PCDHGA6: variants seen among roughly 807,000 people sequenced by gnomAD.
PCDHGA6 encodes protocadherin gamma subfamily A, 6.
In PCDHGA6, 41 loss-of-function variants were observed where a neutral mutation model predicts 60.6. That is an observed-to-expected ratio of 0.68 (90% CI 0.53 to 0.88). The LOEUF is 0.88. Among genes scored for constraint, PCDHGA6 ranks in the 40% least tolerant of loss-of-function variants. The pLI, the probability that PCDHGA6 is intolerant of heterozygous loss-of-function variation, is 0.00. For synonymous variants in PCDHGA6, 594 were observed against 524.4 expected (o/e 1.13, Z -1.81); for missense variants, 1,312 against 1,203.0 (o/e 1.09, Z -1.34).
At chr5:141,483,706 C>T (rs1187078630) in intron 1 of PCDHGA6, among the ~76,000 whole-genome samples, 1 of 151,926 alleles carries the variant, frequency 6.6e-6, no homozygotes, top group African/African-American at 2.4e-5. Context: ...CTTTTTGACA[C>T]CAGAATATTG....
Position 141,375,066 on chromosome 5 carries a change from G to A in PCDHGA6, c.983G>A (p.Arg328Gln), listed in dbSNP as rs1463444937. ...GAAGCCCGGGATGGGCCAGGTCTTC[G>A]AGACAGAGCGAAAGTCTTAATAACT... ...GVEARDGPGL[R>Q]DRAKVLITIL... The change falls in exon 1 of 4, where the codon CGA becomes CAA. Residue 328 changes from arginine to glutamine, a missense_variant. Arg to Gln is a conservative substitution (Grantham distance 43). Transcript: ENST00000517434. 4.3e-6 allele frequency: 7 copies of A among 1,613,872 alleles called. No homozygotes were observed. Among genetic ancestry groups the A allele is most frequent in the Admixed American group, 1.7e-5 (1 of 60,014 alleles).
intron 1 of PCDHGA6, chr5:141,394,617 G>T (rs369651266): frequency 8.1e-6 from 13 of 1,613,372 alleles, no homozygotes; most frequent in Non-Finnish European, 1.1e-5. Flanking sequence ...GGGCCAGAAC[G>T]CCTGGCTGTC....
intron 1 of PCDHGA6, chr5:141,388,437 A>C: frequency 6.2e-7 from 1 of 1,613,892 alleles, no homozygotes; most frequent in Non-Finnish European, 8.5e-7. Context: ...AAATAAAGAG[A>C]AATCAGATGG....
intron 2 of PCDHGA6, among the ~76,000 whole-genome samples, chr5:141,498,371 C>T (rs188547878): frequency 6.6e-6 from 1 of 151,838 alleles, no homozygotes; most frequent in Admixed American, 6.6e-5. Flanking sequence ...TGTGGTGAGG[C>T]CTCCTGGGAT....
At chr5:141,496,050 G>A (rs1232836015) in intron 2 of PCDHGA6, among the ~76,000 whole-genome samples, 2 of 149,892 alleles carry the variant, frequency 1.3e-5, no homozygotes, top group Non-Finnish European at 3.0e-5. Flanking sequence ...ATTTTTTTGT[G>A]CTTGTGGGCA....
chr5:141,391,887 T>C (rs970251505), intron 1 of PCDHGA6: 1 of 152,200 alleles, frequency 6.6e-6, no homozygotes, highest in Non-Finnish European at 1.5e-5. Context: ...GTGAAAGGGA[T>C]GGGATGGAGC....
chr5:141,414,078 T>C lies in PCDHGA6; in HGVS notation c.2424+37571T>C, dbSNP rs777190406. 3.1e-6 allele frequency: 5 copies of C among 1,603,326 alleles called. No individual in the cohort carries two copies. In the South Asian group the frequency reaches 4.5e-5, roughly 14 times the overall value. ...TGTTGAAGTTCCAACTAAACAAATA[T>C]ACTGGAGAAATAAAAATATCAGAAA... On this transcript the variant is annotated intron_variant, in intron 1 of 3. Transcript: ENST00000517434.
At chr5:141,408,691 C>T (rs1013098114) in intron 1 of PCDHGA6, 1 of 1,613,854 alleles carries the variant, frequency 6.2e-7, no homozygotes, top group Non-Finnish European at 8.5e-7. Flanking sequence ...CTGATATAAA[C>T]ATAAACTCAA....
At chr5:141,379,890 T>TTTTTTTTTTTTTTTTTTTTTTG (rs1776022019) in intron 1 of PCDHGA6, among the ~76,000 whole-genome samples, 1 of 25,360 alleles carries the variant, frequency 3.9e-5, no homozygotes, top group Non-Finnish European at 6.4e-5. Context: ...TGAAAGCCTC[T>TTTTTTTTTTTTTTTTTTTTTTG]TTTTTTTTTT....
chr5:141,410,115 C>T, intron 1 of PCDHGA6: 1 of 1,612,624 alleles, frequency 6.2e-7, no homozygotes. Context: ...AGGGACGCAG[C>T]CCGCCAGCGC....
At chr5:141,376,679 T>G (rs1008866087) in intron 1 of PCDHGA6, 172 bp downstream of exon 1, 29 of 528,326 alleles carry the variant, frequency 5.5e-5, no homozygotes, top group East Asian at 4.1e-5. Flanking sequence ...GGGTATCGTT[T>G]TTTTTTTTTT....
At chr5:141,423,975 A>G in intron 1 of PCDHGA6, 2 of 1,126,024 alleles carry the variant, frequency 1.8e-6, no homozygotes, top group Non-Finnish European at 2.2e-6. Flanking sequence ...TTATCAGTGT[A>G]TGAGGCTCTC....
chr5:141,415,828 G>T, intron 1 of PCDHGA6: 1 of 1,293,336 alleles, frequency 7.7e-7, no homozygotes, highest in East Asian at 2.8e-5. Flanking sequence ...ATAAGGCTTT[G>T]TTATGATTAG....
In PCDHGA6 at chr5:141,486,476, C is replaced by G. The variant is rs765887978; in HGVS notation, c.2425-8331C>G. The G allele has an allele frequency of 5.0e-6, 8 of 1,613,934 alleles. No homozygotes were observed. In the South Asian group the frequency reaches 7.7e-5, roughly 16 times the overall value. ...TGCTTCTGATGCTGGGAACCCTCCTCTCAGTACCCACAGAACTATTTTCCT... is the reference window on the plus strand; with the variant it reads ...TGCTTCTGATGCTGGGAACCCTCCTGTCAGTACCCACAGAACTATTTTCCT... On this transcript the variant is annotated intron_variant, in intron 1 of 3. Coordinates refer to ENST00000517434, the MANE Select transcript of PCDHGA6 (RefSeq NM_018919.3). The surrounding 1 kb of genome is among the most constrained non-coding windows in gnomAD (Gnocchi z 5.0).
At chr5:141,403,721 C>G (rs748888364) in intron 1 of PCDHGA6, 2 of 1,613,872 alleles carry the variant, frequency 1.2e-6, no homozygotes, top group East Asian at 2.2e-5. Flanking sequence ...GAACGTGCCC[C>G]CAGGCACCTG....
At chr5:141,468,191 G>A (rs1420885521) in intron 1 of PCDHGA6, among the ~76,000 whole-genome samples, 1 of 151,860 alleles carries the variant, frequency 6.6e-6, no homozygotes, top group African/African-American at 2.4e-5. Flanking sequence ...TGGGCATGGT[G>A]GCGGGTGCCT....
At chr5:141,450,885 T>C (rs1262944058) in intron 1 of PCDHGA6, among the ~76,000 whole-genome samples, 1 of 149,238 alleles carries the variant, frequency 6.7e-6, no homozygotes, top group African/African-American at 2.5e-5. Context: ...TGTGCAGTGG[T>C]GCGATATCGG....
intron 1 of PCDHGA6, chr5:141,388,246 TGGA>T: frequency 6.2e-7 from 1 of 1,609,740 alleles, no homozygotes; most frequent in East Asian, 2.2e-5. Context: ...CACGTGAATG[TGGA>T]GATCGAGGAC....
intron 1 of PCDHGA6, chr5:141,403,166 A>G (rs907710099): frequency 1.2e-6 from 2 of 1,614,002 alleles, no homozygotes; most frequent in Non-Finnish European, 1.7e-6. Flanking sequence ...TAGAGGTAGG[A>G]CGCAGCTTTT....
Sources: gnomAD v4.1 joint callset for allele counts (sites outside exome capture counted in the v4.1 genomes callset) on GRCh38, gnomAD v4.1.1 for gene constraint, Gnocchi (gnomAD v3.1) non-coding constraint, MANE v1.5 for transcripts, NCBI Gene and HGNC (gene_info 2026-07-23, HGNC 2026-07-21) for gene names.